The following RAD51B variants were observed in gnomAD, a reference collection of about 807,000 sequenced individuals.
The protein encoded by RAD51B is DNA repair protein RAD51 homolog 2.
A neutral mutation model predicts 42.2 loss-of-function variants in RAD51B; 38 were observed. The observed-to-expected ratio is 0.90, with a 90% CI of 0.70 to 1.18. RAD51B has a LOEUF of 1.18. RAD51B is among the 50% of genes most tolerant of loss of function. The probability of loss-of-function intolerance (pLI) is 0.00; values close to 1 mark genes in which losing one functional copy is unlikely to be tolerated. For synonymous variants in RAD51B, 154 were observed against 145.2 expected (o/e 1.06, Z -0.43); for missense variants, 373 against 400.7 (o/e 0.93, Z 0.59).
At chr14:68,106,036 T>G (rs917674198) in intron 7 of RAD51B, among the ~76,000 whole-genome samples, 2 of 151,942 alleles carry the variant, frequency 1.3e-5, no homozygotes, top group African/African-American at 4.8e-5. Context: ...TCCCTCTTAA[T>G]CTTTTTAGAA....
At chr14:68,470,317 C>T (rs1474504345) in intron 10 of RAD51B, among the ~76,000 whole-genome samples, 1 of 152,204 alleles carries the variant, frequency 6.6e-6, no homozygotes, top group Non-Finnish European at 1.5e-5. Context: ...AGCAGTGGAA[C>T]ACCTCTGCTT....
chr14:68,489,581 G>A (rs997561435), intron 10 of RAD51B, among the ~76,000 whole-genome samples: 3 of 152,194 alleles, frequency 2.0e-5, no homozygotes, highest in Non-Finnish European at 4.4e-5. Flanking sequence ...AAGGCTTGTT[G>A]TGCAAGTAAA....
At chr14:67,909,162 A>G (rs371432851) in intron 7 of RAD51B, among the ~76,000 whole-genome samples, 4 of 152,334 alleles carry the variant, frequency 2.6e-5, no homozygotes, top group South Asian at 4.1e-4. Context: ...TTTAAGAGGT[A>G]GAGTCGTGAA....
Position 67,865,085 on chromosome 14 carries a change from G to C in RAD51B, c.398G>C (p.Gly133Ala). The change falls in exon 5 of 11, where the codon GGA becomes GCA. Residue 133 changes from glycine to alanine, a missense_variant. Coordinates refer to ENST00000471583, the MANE Select transcript of RAD51B (RefSeq NM_133510.4). ...GCTACATTACCCACCAACATGGGAG[G>C]ATTAGAAGGAGCTGTGGTGTACATT... ...ILATLPTNMG[G>A]LEGAVVYIDT... The C allele has an allele frequency of 6.3e-7, 1 of 1,593,890 alleles. No homozygotes were observed. Among genetic ancestry groups the C allele is most frequent in the East Asian group, 2.3e-5 (1 of 44,054 alleles).
At chr14:68,224,198 C>T (rs1249920588) in intron 7 of RAD51B, among the ~76,000 whole-genome samples, 1 of 152,142 alleles carries the variant, frequency 6.6e-6, no homozygotes, top group South Asian at 2.1e-4. Flanking sequence ...CTGCATGAAG[C>T]CTGTTTTGTT....
chr14:67,842,096 C>G (rs1009205663), intron 4 of RAD51B, among the ~76,000 whole-genome samples: 1 of 152,076 alleles, frequency 6.6e-6, no homozygotes, highest in African/African-American at 2.4e-5. Flanking sequence ...TTCCAAAGAT[C>G]GTTCACCTCC....
At chr14:68,031,522 A>C (rs2076041139) in intron 7 of RAD51B, among the ~76,000 whole-genome samples, 1 of 152,226 alleles carries the variant, frequency 6.6e-6, no homozygotes, top group African/African-American at 2.4e-5. Flanking sequence ...TGAAGTTGGA[A>C]ACATGGTGCC....
chr14:68,504,662 C>CTTTTTTTTTTTTTTTTTTTTTTTTTTTCT (rs57967320), intron 10 of RAD51B, among the ~76,000 whole-genome samples: 2 of 90,434 alleles, frequency 2.2e-5, no homozygotes, highest in African/African-American at 8.2e-5. Flanking sequence ...TTTTTTCTTT[C>CTTTTTTTTTTTTTTTTTTTTTTTTTTTCT]TTTTTTTTTT....
chr14:68,110,913 A>T (rs1173300649), intron 7 of RAD51B, among the ~76,000 whole-genome samples: 1 of 151,984 alleles, frequency 6.6e-6, no homozygotes, highest in Non-Finnish European at 1.5e-5. Flanking sequence ...TCAATTCTAT[A>T]TTTTGACTAA....
intron 8 of RAD51B, among the ~76,000 whole-genome samples, chr14:68,383,324 C>T (rs186028214): frequency 7.9e-5 from 12 of 152,274 alleles, no homozygotes; most frequent in Non-Finnish European, 1.3e-4. Context: ...GGACTTTTGA[C>T]AATGTCACAG....
At chr14:68,587,855 G>A (rs1890564262) in intron 10 of RAD51B, among the ~76,000 whole-genome samples, 1 of 152,244 alleles carries the variant, frequency 6.6e-6, no homozygotes, top group African/African-American at 2.4e-5. Context: ...TGGCATTCTG[G>A]TGGGAAAGCT....
chr14:68,282,978 G>C (rs2081348532), intron 7 of RAD51B, among the ~76,000 whole-genome samples: 1 of 152,092 alleles, frequency 6.6e-6, no homozygotes, highest in African/African-American at 2.4e-5. Context: ...TATCAATGTT[G>C]GTATTTATCA....
chr14:67,967,300 A>T (rs999415909), intron 7 of RAD51B, among the ~76,000 whole-genome samples: 1 of 152,178 alleles, frequency 6.6e-6, no homozygotes. Flanking sequence ...GCCAAACCTC[A>T]TTCAGCCTCT....
At chr14:68,363,429 T>C (rs1319239613) in intron 8 of RAD51B, among the ~76,000 whole-genome samples, 1 of 152,214 alleles carries the variant, frequency 6.6e-6, no homozygotes, top group Admixed American at 6.5e-5. Flanking sequence ...TCTGTTAATA[T>C]ATCATGTTTT....
chr14:68,215,899 T>A (rs1355658619), intron 7 of RAD51B, among the ~76,000 whole-genome samples: 1 of 152,230 alleles, frequency 6.6e-6, no homozygotes, highest in East Asian at 1.9e-4. Flanking sequence ...GAGGCTCTTA[T>A]GGGATTTTTT....
At chr14:67,888,623 G>A (rs1331421889) in intron 7 of RAD51B, among the ~76,000 whole-genome samples, 1 of 152,106 alleles carries the variant, frequency 6.6e-6, no homozygotes, top group Non-Finnish European at 1.5e-5. Flanking sequence ...TGAAAGAAAA[G>A]AAAAGGATAG....
intron 7 of RAD51B, among the ~76,000 whole-genome samples, chr14:68,268,746 A>G (rs1299010752): frequency 6.6e-6 from 1 of 152,216 alleles, no homozygotes; most frequent in East Asian, 1.9e-4. Context: ...GGCACAGAGC[A>G]TCTTTAATTT....
At chr14:68,259,476 CAT>C (rs967078126) in intron 7 of RAD51B, among the ~76,000 whole-genome samples, 1 of 151,852 alleles carries the variant, frequency 6.6e-6, no homozygotes, top group Non-Finnish European at 1.5e-5. Context: ...AATAAATAAA[CAT>C]AAAAAAATAA....
In RAD51B at chr14:68,275,794, CCACACACACACACACACACA is replaced by C. The variant is rs10641411; in HGVS notation, c.757-16062_757-16043del. The stretch of plus-strand genomic sequence containing the variant: ...CTAAATACAGTTTGAAACTAGCTCT[CCACACACACACACACACACA>C]CACACACACACACACACACACACAC... On this transcript the variant is annotated intron_variant, in intron 7 of 10. Transcript: ENST00000471583. Among the ~76,000 whole-genome samples the C allele has an allele frequency of 3.0e-3, 418 of 141,372 alleles. 10 individuals carry two copies. In the East Asian group the frequency reaches 0.052, roughly 18 times the overall value. 92.7% of individuals were successfully genotyped at this position (141,372 alleles called of 152,430 possible).
Sources: allele counts gnomAD v4.1 joint callset (sites outside exome capture counted in the v4.1 genomes callset), GRCh38; gene constraint gnomAD v4.1.1; transcripts MANE v1.5; gene names NCBI Gene and HGNC (gene_info 2026-07-23, HGNC 2026-07-21).